The following ZBTB7C variants were observed in gnomAD, a reference collection of about 807,000 sequenced individuals.
ZBTB7C encodes zinc finger and BTB domain containing 7C, also known as zinc finger and BTB domain-containing protein 7C.
ZBTB7C carries 8 observed loss-of-function variants against 25.7 expected under a neutral mutation model. That is an observed-to-expected ratio of 0.31 (90% CI 0.18 to 0.56). The LOEUF (loss-of-function observed/expected upper bound fraction) is 0.56, where lower values mean the gene tolerates loss of function less well. Ranked by LOEUF, ZBTB7C falls within the 20% of genes least tolerant of loss-of-function variation. The pLI is 0.91. For missense variants in ZBTB7C, 824 were observed against 855.2 expected (o/e 0.96, Z 0.46); for synonymous variants, 394 against 369.0 (o/e 1.07, Z -0.78).
intron 3 of ZBTB7C, among the ~76,000 whole-genome samples, chr18:48,079,235 C>A (rs2037888986): frequency 6.6e-6 from 1 of 152,174 alleles, no homozygotes; most frequent in African/African-American, 2.4e-5. Context: ...GCCAAGGGGC[C>A]AGTGGCATTT....
intron 1 of ZBTB7C, among the ~76,000 whole-genome samples, chr18:48,352,066 T>C (rs1568393765): frequency 1.3e-5 from 2 of 152,188 alleles, no homozygotes; most frequent in African/African-American, 4.8e-5. Context: ...AAGCCTTCCC[T>C]GACCCTACAG....
intron 2 of ZBTB7C, among the ~76,000 whole-genome samples, chr18:48,196,581 T>C (rs1034353316): frequency 2.0e-5 from 3 of 152,212 alleles, no homozygotes; most frequent in Admixed American, 2.0e-4. Flanking sequence ...GCTGTGCACA[T>C]GTCCCCATAA....
At chr18:48,066,321 AC>A (rs2037328352) in intron 3 of ZBTB7C, among the ~76,000 whole-genome samples, 1 of 152,058 alleles carries the variant, frequency 6.6e-6, no homozygotes, top group Non-Finnish European at 1.5e-5. Context: ...GGATCTGTAC[AC>A]CCCACGGATG....
intron 1 of ZBTB7C, among the ~76,000 whole-genome samples, chr18:48,403,709 G>C (rs896901298): frequency 2.0e-5 from 3 of 152,132 alleles, no homozygotes; most frequent in African/African-American, 7.2e-5. Context: ...ATAAAAGACT[G>C]CACATTGGGT....
intron 2 of ZBTB7C, among the ~76,000 whole-genome samples, chr18:48,290,678 C>T (rs2045199264): frequency 6.6e-6 from 1 of 152,172 alleles, no homozygotes. Flanking sequence ...CGCAGGCGCC[C>T]GTCCCCTGGG....
chr18:48,299,919 A>G (rs1170393302), intron 2 of ZBTB7C, among the ~76,000 whole-genome samples: 1 of 152,250 alleles, frequency 6.6e-6, no homozygotes, highest in Non-Finnish European at 1.5e-5. Flanking sequence ...AGATAGTATA[A>G]GCTAAGGGAA....
chr18:48,072,350 GC>G (rs1447234862), intron 3 of ZBTB7C: 4 of 145,864 alleles, frequency 2.7e-5, no homozygotes, highest in Non-Finnish European at 4.7e-5. Flanking sequence ...TGTATATGAA[GC>G]CTGGCGCTCA....
At chr18:48,094,977 AACC>A (rs1190444950) in intron 3 of ZBTB7C, among the ~76,000 whole-genome samples, 1 of 152,148 alleles carries the variant, frequency 6.6e-6, no homozygotes, top group African/African-American at 2.4e-5. Flanking sequence ...TTGTGTTTTC[AACC>A]ACATTTCACA....
intron 3 of ZBTB7C, among the ~76,000 whole-genome samples, chr18:48,107,610 C>A (rs781159053): frequency 8.5e-5 from 13 of 152,102 alleles, no homozygotes; most frequent in East Asian, 1.9e-4. Flanking sequence ...TGGATGGAGG[C>A]CAGAGGTGGC....
chr18:48,055,318 G>A (rs1308728433), intron 3 of ZBTB7C, among the ~76,000 whole-genome samples: 1 of 150,658 alleles, frequency 6.6e-6, no homozygotes, highest in Non-Finnish European at 1.5e-5. Flanking sequence ...GCTGAGGCAG[G>A]AGAATCGCTG....
At chr18:48,175,704 G>T (rs1313475017) in intron 3 of ZBTB7C, among the ~76,000 whole-genome samples, 1 of 152,152 alleles carries the variant, frequency 6.6e-6, no homozygotes, top group African/African-American at 2.4e-5. Flanking sequence ...GGCTGGTGCA[G>T]GGTAGGTGCA....
At chr18:48,080,176 G>T (rs1192499917) in intron 3 of ZBTB7C, among the ~76,000 whole-genome samples, 1 of 152,160 alleles carries the variant, frequency 6.6e-6, no homozygotes, top group African/African-American at 2.4e-5. Context: ...TTCTGAGCCA[G>T]CCTGCTGTCA....
intron 2 of ZBTB7C, among the ~76,000 whole-genome samples, chr18:48,253,278 T>G (rs552948654): frequency 1.3e-5 from 2 of 152,098 alleles, no homozygotes; most frequent in Non-Finnish European, 2.9e-5. Context: ...AATAAATACC[T>G]TTAAAAATAC....
rs2035571938 is a variant in ZBTB7C, at chr18:48,027,745, C to A, written c.*1515G>T. Reference sequence around the variant, plus strand: ...TAGCACAGGGATTGGGGACTCCAGCCCTGGGCTCTCCCTGGGGACGAACCC... The same window carrying A: ...TAGCACAGGGATTGGGGACTCCAGCACTGGGCTCTCCCTGGGGACGAACCC... On this transcript the variant is annotated 3_prime_UTR_variant, in exon 5 of 5. Coordinates refer to ENST00000590800, the MANE Select transcript of ZBTB7C (RefSeq NM_001318841.2). 1 of 152,178 alleles carries A rather than the reference C, an allele frequency of 6.6e-6. No individual in the cohort carries two copies. The highest frequency in any genetic ancestry group is 1.5e-5 in the Non-Finnish European group (1 of 68,036). 9.4% of individuals were successfully genotyped at this position (152,178 alleles called of 1,614,324 possible). A position where few individuals can be genotyped will look rare whatever the true frequency, so the allele number is the denominator to read the frequency against.
chr18:48,261,407 A>C (rs182730313), intron 2 of ZBTB7C, among the ~76,000 whole-genome samples: 8 of 152,322 alleles, frequency 5.3e-5, no homozygotes, highest in African/African-American at 1.9e-4. Flanking sequence ...CCAAGTTAAG[A>C]GACTGAACAA....
chr18:48,397,875 C>G (rs2048065845), intron 1 of ZBTB7C, among the ~76,000 whole-genome samples: 1 of 152,186 alleles, frequency 6.6e-6, no homozygotes, highest in Non-Finnish European at 1.5e-5. Context: ...TCACCCGGGA[C>G]CAAAGACTCC....
intron 3 of ZBTB7C, among the ~76,000 whole-genome samples, chr18:48,165,771 C>T (rs1482021263): frequency 6.6e-6 from 1 of 152,238 alleles, no homozygotes; most frequent in East Asian, 1.9e-4. Flanking sequence ...GTAACCACAA[C>T]AGCCCCTCTT....
chr18:48,300,895 G>A (rs2045527543), intron 2 of ZBTB7C, among the ~76,000 whole-genome samples: 1 of 152,260 alleles, frequency 6.6e-6, no homozygotes, highest in Admixed American at 6.5e-5. Flanking sequence ...TTCCTGGGCT[G>A]AGAATGTACC....
upstream of ZBTB7C, among the ~76,000 whole-genome samples, chr18:48,410,142 G>T (rs990347171): frequency 6.6e-6 from 1 of 152,226 alleles, no homozygotes; most frequent in African/African-American, 2.4e-5. Context: ...AAGGAGTGGG[G>T]GCGAGAAGTT....
Sources: allele counts gnomAD v4.1 joint callset (sites outside exome capture counted in the v4.1 genomes callset), GRCh38; gene constraint gnomAD v4.1.1; transcripts MANE v1.5; gene names NCBI Gene and HGNC (gene_info 2026-07-23, HGNC 2026-07-21).